Variants in FBXL18 observed in about 807,000 individuals in gnomAD.
FBXL18 encodes the protein F-box/LRR-repeat protein 18.
A neutral mutation model predicts 46.0 loss-of-function variants in FBXL18; 36 were observed. The observed-to-expected ratio is 0.78, with a 90% CI of 0.60 to 1.03. The LOEUF is 1.03. Among genes scored for constraint, FBXL18 ranks in the 50% least tolerant of loss-of-function variants. The pLI is 0.00. For synonymous variants in FBXL18, 557 were observed against 465.3 expected (o/e 1.20, Z -2.54); for missense variants, 977 against 1,004.1 (o/e 0.97, Z 0.36).
chr7:5,459,717 G>A (rs1212470966), intron 4 of FBXL18, among the ~76,000 whole-genome samples: 1 of 149,182 alleles, frequency 6.7e-6, no homozygotes, highest in South Asian at 2.1e-4. Flanking sequence ...TCCAGCCTGG[G>A]CAACAGAGTG....
At position 5,481,770 on chromosome 7, in the gene FBXL18, G is replaced by A. The variant is rs1337539811; in HGVS notation, c.*5C>T. 12 of 1,613,110 alleles carry A rather than the reference G, an allele frequency of 7.4e-6. No homozygotes were observed. The highest frequency in any genetic ancestry group is 2.2e-5 in the East Asian group (1 of 44,874). ...ACTGAGACCGATGGGCGGCGGCTCC[G>A]CCTCTCACCACCACAGGTTCGGCGG... On this transcript the variant is annotated 3_prime_UTR_variant, in exon 5 of 5. Coordinates refer to ENST00000382368, the MANE Select transcript of FBXL18 (RefSeq NM_024963.6).
chr7:5,491,040 G>A (rs980685849), intron 4 of FBXL18, among the ~76,000 whole-genome samples, 191 bp downstream of exon 4: 3 of 152,178 alleles, frequency 2.0e-5, no homozygotes, highest in African/African-American at 7.2e-5. Context: ...TTTACCATGT[G>A]GCTAGGGAAT....
In FBXL18 at chr7:5,479,122, G is replaced by A. The variant is rs921957709; in HGVS notation, c.*2653C>T. ...CGGAAATTCTTGCTCTAAGTCAGAG[G>A]ATGGTTGCAGGGGACACTAAAAATA... On this transcript the variant is annotated 3_prime_UTR_variant, in exon 5 of 5. Transcript: ENST00000382368. 2.6e-5 allele frequency: 4 copies of A among 152,134 alleles called. No individual in the cohort carries two copies. The highest frequency in any genetic ancestry group is 7.2e-5 in the African/African-American group (3 of 41,424). The allele number at this position is 152,134 out of a possible 1,614,324, so 9.4% of individuals were successfully genotyped here.
In FBXL18 at chr7:5,486,416, T is replaced by C. The variant is rs566873965; in HGVS notation, c.2001-4485A>G. ...CCTGGGAAACGAGCGAAACTCTGTT[T>C]CAAAAAAAAACAAAAAACAACAACA... On this transcript the variant is annotated intron_variant, in intron 4 of 4. Coordinates refer to ENST00000382368, the MANE Select transcript of FBXL18 (RefSeq NM_024963.6). 3.0e-3 allele frequency among the ~76,000 whole-genome samples: 441 copies of C among 149,112 alleles called. 2 individuals carry two copies. The highest frequency in any genetic ancestry group is 0.01 in the African/African-American group (420 of 40,304).
chr7:5,468,773 T>TAA (rs1783383519), intron 4 of FBXL18, among the ~76,000 whole-genome samples: 1 of 152,008 alleles, frequency 6.6e-6, no homozygotes, highest in Non-Finnish European at 1.5e-5. Context: ...GCTAACTTTT[T>TAA]AGTTTTTGTA....
chr7:5,467,711 G>A (rs966044432), intron 4 of FBXL18, among the ~76,000 whole-genome samples: 5 of 152,042 alleles, frequency 3.3e-5, no homozygotes, highest in Non-Finnish European at 7.3e-5. Flanking sequence ...GTTCCTCCCC[G>A]TCAAAAAATA....
intron 4 of FBXL18, among the ~76,000 whole-genome samples, chr7:5,483,978 C>A (rs1476784236): frequency 1.3e-5 from 2 of 152,162 alleles, no homozygotes; most frequent in Non-Finnish European, 2.9e-5. Flanking sequence ...AAGGCACTCA[C>A]AAAAGCAGAG....
intron 1 of FBXL18, among the ~76,000 whole-genome samples, 195 bp from the exon 2 acceptor site, chr7:5,505,825 C>T (rs975034352): frequency 2.0e-5 from 3 of 152,162 alleles, no homozygotes; most frequent in African/African-American, 7.2e-5. Context: ...CCAGGGTCTC[C>T]CTTCAAAAAT....
chr7:5,500,399 G>T, intron 3 of FBXL18, 89 bp downstream of exon 3: 1 of 1,253,606 alleles, frequency 8.0e-7, no homozygotes, highest in Non-Finnish European at 1.1e-6. Context: ...CTCCTGGAGG[G>T]CAGGCCAGCC....
At chr7:5,491,100 C>T in intron 4 of FBXL18, 131 bp downstream of exon 4, 1 of 836,610 alleles carries the variant, frequency 1.2e-6, no homozygotes, top group South Asian at 1.7e-5. Flanking sequence ...CTTGCTTTCA[C>T]CCTGTCACTG....
chr7:5,507,172 A>G (rs1276428379), intron 1 of FBXL18, among the ~76,000 whole-genome samples: 1 of 152,136 alleles, frequency 6.6e-6, no homozygotes, highest in Non-Finnish European at 1.5e-5. Flanking sequence ...CTTCCTGTAC[A>G]TATTTGCCTG....
chr7:5,505,539 A>G lies in FBXL18; in HGVS notation c.110T>C (p.Leu37Pro), dbSNP rs762800008. ...HLLGFSDEIL[L>P]HILSHVPSTD... ...GCTGGGGACGTGACTCAGGATGTGA[A>G]GGAGGATCTCATCAGAGAACCCTAG... Residue 37 changes from leucine (L) to proline (P), a missense_variant, in exon 2 of 5, where the codon CTT becomes CCT. Leu to Pro is a moderately conservative substitution (Grantham distance 98). Transcript: ENST00000382368. The G allele has an allele frequency of 6.2e-7, 1 of 1,614,154 alleles. No homozygotes were observed. The highest frequency in any genetic ancestry group is 8.5e-7 in the Non-Finnish European group (1 of 1,180,008).
chr7:5,474,933 C>T (rs1783485749), downstream of FBXL18, among the ~76,000 whole-genome samples: 2 of 148,924 alleles, frequency 1.3e-5, no homozygotes, highest in South Asian at 2.1e-4. Context: ...TGGTCTTGAT[C>T]TCCTGACCTC....
intron 1 of FBXL18, among the ~76,000 whole-genome samples, chr7:5,511,142 G>C (rs1375728335): frequency 2.0e-5 from 3 of 152,064 alleles, no homozygotes; most frequent in Non-Finnish European, 4.4e-5. Context: ...GCAAAAGTAA[G>C]ATCTGAAATC....
At chr7:5,493,662 TGTGTGCGTGC>T (rs1379679849) in intron 3 of FBXL18, among the ~76,000 whole-genome samples, 1 of 138,840 alleles carries the variant, frequency 7.2e-6, no homozygotes, top group African/African-American at 2.6e-5. Context: ...CTTTTGTGTG[TGTGTGCGTGC>T]GTGCGTGCGT....
At chr7:5,502,244 C>T (rs1438746813) in intron 2 of FBXL18, among the ~76,000 whole-genome samples, 8 of 152,190 alleles carry the variant, frequency 5.3e-5, no homozygotes, top group East Asian at 1.9e-4. Context: ...CGGTAGAAAA[C>T]GGTTTGGCAG....
rs1174720422 is a variant in FBXL18, at chr7:5,477,240, A to C, written c.*4535T>G. On this transcript the variant is annotated 3_prime_UTR_variant, in exon 5 of 5. Transcript: ENST00000382368. The surrounding 1 kb of genome is among the most constrained non-coding windows in gnomAD (Gnocchi z 4.4). Reference sequence around the variant, plus strand: ...ACACCCCCAAGTGCAAATGAGACCCATGACCATCACAAAGACCCCCCAGCG... The same window carrying C: ...ACACCCCCAAGTGCAAATGAGACCCCTGACCATCACAAAGACCCCCCAGCG... Among the ~76,000 whole-genome samples the C allele has an allele frequency of 6.6e-6, 1 of 152,072 alleles. No homozygotes were observed. Among genetic ancestry groups the C allele is most frequent in the African/African-American group, 2.4e-5 (1 of 41,400 alleles).
rs11442038 is a variant in FBXL18, at chr7:5,456,639, G to GAA, written c.2001-8798_2001-8797dup. On this transcript the variant is annotated intron_variant and NMD_transcript_variant, in intron 4 of 6. Transcript: ENST00000415009. ...CCAAGGGCAGAGAACTTAAGGTATG[G>GAA]AAAAAAAAAAAAAAAGGCATGGAAA... is the stretch of plus-strand genomic sequence containing the variant. 2.2e-3 allele frequency among the ~76,000 whole-genome samples: 307 copies of GAA among 140,142 alleles called. 2 individuals carry two copies. The highest frequency in any genetic ancestry group is 9.6e-3 in the East Asian group (45 of 4,698). 91.9% of individuals were successfully genotyped at this position (140,142 alleles called of 152,430 possible). A position where few individuals can be genotyped will look rare whatever the true frequency, so the allele number is the denominator to read the frequency against.
At chr7:5,500,007 G>A in intron 3 of FBXL18, among the ~76,000 whole-genome samples, 1 of 150,220 alleles carries the variant, frequency 6.7e-6, no homozygotes, top group East Asian at 2.0e-4. Context: ...TGAGGATGAA[G>A]TGAGCTATGA....
Sources: allele counts gnomAD v4.1 joint callset (sites outside exome capture counted in the v4.1 genomes callset), GRCh38; gene constraint gnomAD v4.1.1; non-coding constraint Gnocchi (gnomAD v3.1); transcripts MANE v1.5; gene names NCBI Gene and HGNC (gene_info 2026-07-23, HGNC 2026-07-21).